The following SLC4A5 variants were observed in gnomAD, a reference collection of about 807,000 sequenced individuals.
SLC4A5 encodes solute carrier family 4 member 5, also known as electrogenic sodium bicarbonate cotransporter 4.
A neutral mutation model predicts 120.4 loss-of-function variants in SLC4A5; 96 were observed. The ratio of observed to expected loss-of-function variants is 0.80; its 90% CI spans 0.68 to 0.94. The LOEUF is 0.94. SLC4A5 is among the 40% of genes least tolerant of loss of function. SLC4A5 has a pLI of 0.00. For synonymous variants in SLC4A5, 550 were observed against 571.1 expected (o/e 0.96, Z 0.53); for missense variants, 1,259 against 1,459.5 (o/e 0.86, Z 2.24).
intron 14 of SLC4A5, among the ~76,000 whole-genome samples, 191 bp from the exon 15 acceptor site, chr2:74,253,319 G>A (rs542640344): frequency 6.6e-6 from 1 of 152,254 alleles, no homozygotes; most frequent in South Asian, 2.1e-4. Flanking sequence ...AGGCACTGGG[G>A]GAAGACAGCC....
At chr2:74,310,941 T>C (rs573843132) in intron 6 of SLC4A5, among the ~76,000 whole-genome samples, 2 of 151,738 alleles carry the variant, frequency 1.3e-5, no homozygotes, top group East Asian at 3.8e-4. Context: ...TTGCTCTTTT[T>C]TTTTTTTTGG....
chr2:74,252,533 A>G, intron 15 of SLC4A5, 145 bp from the exon 16 acceptor site: 1 of 896,900 alleles, frequency 1.1e-6, no homozygotes, highest in Non-Finnish European at 1.7e-6. Flanking sequence ...TAGATTTTAC[A>G]AATGTTCACA....
intron 11 of SLC4A5, 103 bp downstream of exon 11, chr2:74,262,034 G>T: frequency 1.9e-6 from 2 of 1,038,760 alleles, no homozygotes; most frequent in Non-Finnish European, 2.8e-6. Context: ...GAGAATTCTT[G>T]GCAGATCCTG....
intron 20 of SLC4A5, among the ~76,000 whole-genome samples, chr2:74,240,225 CTT>C (rs1670395979): frequency 6.6e-6 from 1 of 152,016 alleles, no homozygotes; most frequent in Non-Finnish European, 1.5e-5. Context: ...CTGGAATGTG[CTT>C]TTCTCTGCTG....
intron 5 of SLC4A5, among the ~76,000 whole-genome samples, chr2:74,315,611 A>AAT (rs892288407): frequency 6.7e-6 from 1 of 150,258 alleles, no homozygotes. Flanking sequence ...CTTATATAAT[A>AAT]ATATATATAA....
intron 7 of SLC4A5, among the ~76,000 whole-genome samples, chr2:74,296,069 T>G (rs1672314988): frequency 6.6e-6 from 1 of 152,190 alleles, no homozygotes; most frequent in African/African-American, 2.4e-5. Context: ...TCAACCCATT[T>G]CCCCTTAAGG....
At chr2:74,330,816 G>A (rs901925330) in intron 4 of SLC4A5, among the ~76,000 whole-genome samples, 9 of 148,552 alleles carry the variant, frequency 6.1e-5, no homozygotes, top group East Asian at 4.0e-4. Context: ...TCTAGATGGA[G>A]GCGGTGAGGT....
At chr2:74,240,416 C>T (rs1021403185) in intron 20 of SLC4A5, among the ~76,000 whole-genome samples, 79 of 152,114 alleles carry the variant, frequency 5.2e-4, no homozygotes, top group African/African-American at 1.8e-3. Flanking sequence ...TTCTTCTCTA[C>T]AAATATATTA....
At chr2:74,328,654 A>G (rs558230275) in intron 4 of SLC4A5, among the ~76,000 whole-genome samples, 12 of 152,260 alleles carry the variant, frequency 7.9e-5, no homozygotes, top group African/African-American at 2.6e-4. Flanking sequence ...GAACCTACAG[A>G]TACGTGGGCC....
intron 6 of SLC4A5, chr2:74,306,952 C>T (rs772310044): frequency 1.6e-6 from 1 of 608,688 alleles, no homozygotes; most frequent in Non-Finnish European, 3.1e-6. Flanking sequence ...TGGCACTGTC[C>T]CTCTGCCTGG....
chr2:74,220,135 A>G (rs1201811334), intron 30 of SLC4A5, among the ~76,000 whole-genome samples: 1 of 152,236 alleles, frequency 6.6e-6, no homozygotes, highest in African/African-American at 2.4e-5. Flanking sequence ...TGCCCCTGGC[A>G]TCTTCCCAAG....
At chr2:74,281,907 G>GT (rs1289146253) in intron 8 of SLC4A5, among the ~76,000 whole-genome samples, 1 of 152,184 alleles carries the variant, frequency 6.6e-6, no homozygotes, top group Non-Finnish European at 1.5e-5. Context: ...TGGAGCCTGA[G>GT]TGTCTGTGTG....
intron 20 of SLC4A5, among the ~76,000 whole-genome samples, chr2:74,240,316 C>T (rs1423182328): frequency 6.6e-6 from 1 of 152,168 alleles, no homozygotes; most frequent in South Asian, 2.1e-4. Flanking sequence ...CTCCAGCAGC[C>T]TCCTTTCCTG....
intron 7 of SLC4A5, among the ~76,000 whole-genome samples, chr2:74,299,453 C>G (rs900235247): frequency 6.6e-6 from 1 of 152,220 alleles, no homozygotes; most frequent in African/African-American, 2.4e-5. Context: ...CTTTGCTCCT[C>G]CTTCACCTTC....
At chr2:74,310,657 G>A (rs999119950) in intron 6 of SLC4A5, among the ~76,000 whole-genome samples, 2 of 151,876 alleles carry the variant, frequency 1.3e-5, no homozygotes, top group Non-Finnish European at 2.9e-5. Context: ...AATCCTTTTG[G>A]GTCATGGTGT....
chr2:74,338,042 T>TAAAG (rs896112148), intron 3 of SLC4A5, among the ~76,000 whole-genome samples: 1 of 151,862 alleles, frequency 6.6e-6, no homozygotes, highest in Non-Finnish European at 1.5e-5. Context: ...GAAGGTAAGG[T>TAAAG]AAAGGGCAGG....
intron 4 of SLC4A5, among the ~76,000 whole-genome samples, chr2:74,330,157 G>C (rs2104337677): frequency 6.8e-6 from 1 of 146,082 alleles, no homozygotes; most frequent in South Asian, 2.2e-4. Context: ...GTGATATCTA[G>C]ATGGAGGTAG....
Position 74,255,922 on chromosome 2 carries a change from T to C in SLC4A5, c.878A>G (p.Lys293Arg), listed in dbSNP as rs1372191027. 1.9e-6 allele frequency: 3 copies of C among 1,613,590 alleles called. No individual in the cohort carries two copies. Among genetic ancestry groups the C allele is most frequent in the Non-Finnish European group, 2.5e-6 (3 of 1,179,666 alleles). The change falls in exon 13 of 31, where the codon AAA becomes AGA. Residue 293 changes from lysine (K) to arginine (R), a missense_variant. Lys to Arg is a conservative substitution (Grantham distance 26, BLOSUM62 2). Coordinates refer to ENST00000394019, the Ensembl canonical transcript of SLC4A5. This position sits in a 1 kb window ranked among gnomAD's most constrained non-coding sequence, Gnocchi z 4.0. ...GTCCTTGGGGATCTTCTTCATGAAT[T>C]TGTTTTTCCGCTGGACAGGGAGGGG...
intron 24 of SLC4A5, 55 bp from the exon 25 acceptor site, chr2:74,231,363 C>G (rs1304836196): frequency 1.0e-5 from 16 of 1,526,706 alleles, no homozygotes; most frequent in African/African-American, 1.4e-5. Flanking sequence ...GGCAACTACT[C>G]TGGCCCTCCT....
Sources: gnomAD v4.1 joint callset for allele counts (sites outside exome capture counted in the v4.1 genomes callset) on GRCh38, gnomAD v4.1.1 for gene constraint, Gnocchi (gnomAD v3.1) non-coding constraint, MANE v1.5 for transcripts, NCBI Gene and HGNC (gene_info 2026-07-23, HGNC 2026-07-21) for gene names.